DCDC2: variants seen among roughly 807,000 people sequenced by gnomAD.
DCDC2 encodes the protein doublecortin domain containing 2.
Under a neutral mutation model 50.2 loss-of-function variants are expected in DCDC2, and 40 were observed. The ratio of observed to expected loss-of-function variants is 0.80; its 90% CI spans 0.62 to 1.04. The LOEUF (loss-of-function observed/expected upper bound fraction) is 1.04, where lower values mean the gene tolerates loss of function less well. DCDC2 is among the 50% of genes least tolerant of loss of function. The pLI, the probability that DCDC2 is intolerant of heterozygous loss-of-function variation, is 0.00. For synonymous variants in DCDC2, 234 were observed against 210.6 expected (o/e 1.11, Z -0.96); for missense variants, 570 against 581.9 (o/e 0.98, Z 0.21).
chr6:24,271,224 A>AAG (rs1554115075), intron 7 of DCDC2, among the ~76,000 whole-genome samples: 39 of 143,006 alleles, frequency 2.7e-4, no homozygotes, highest in African/African-American at 7.0e-4. Context: ...AAAAAAAAAA[A>AAG]AGAGAGAGAG....
At chr6:24,217,878 C>T (rs1336084244) in intron 7 of DCDC2, among the ~76,000 whole-genome samples, 1 of 152,158 alleles carries the variant, frequency 6.6e-6, no homozygotes, top group Non-Finnish European at 1.5e-5. Flanking sequence ...ATAATGTACT[C>T]AGTTTAGCAT....
intron 7 of DCDC2, among the ~76,000 whole-genome samples, chr6:24,277,603 A>G (rs1377940262): frequency 6.6e-6 from 1 of 152,164 alleles, no homozygotes; most frequent in East Asian, 1.9e-4. Flanking sequence ...TACTGATAAA[A>G]TGTTATGTCT....
chr6:24,344,394 AT>A (rs1415003482), intron 2 of DCDC2, among the ~76,000 whole-genome samples: 1 of 152,174 alleles, frequency 6.6e-6, no homozygotes, highest in Non-Finnish European at 1.5e-5. Flanking sequence ...TTTTCTAAAC[AT>A]TTATTAACTT....
chr6:24,209,753 ACTCTT>A (rs1761814955), intron 7 of DCDC2, among the ~76,000 whole-genome samples: 1 of 152,044 alleles, frequency 6.6e-6, no homozygotes, highest in Non-Finnish European at 1.5e-5. Flanking sequence ...TATAAAAGTA[ACTCTT>A]CTCTAGGTAG....
intron 7 of DCDC2, among the ~76,000 whole-genome samples, chr6:24,255,665 T>A (rs1320102764): frequency 6.6e-6 from 1 of 152,116 alleles, no homozygotes; most frequent in Non-Finnish European, 1.5e-5. Flanking sequence ...CACCTCGGAA[T>A]GGCCAAAAGA....
intron 6 of DCDC2, 65 bp downstream of exon 6, chr6:24,288,787 A>C: frequency 6.8e-7 from 1 of 1,467,436 alleles, no homozygotes; most frequent in Admixed American, 1.7e-5. Context: ...TTGAAGCCCA[A>C]AGGACAGTCT....
Position 24,178,539 on chromosome 6 carries a change from G to C in DCDC2, c.1117C>G (p.Leu373Val). 4 of 1,613,984 alleles carry C rather than the reference G, an allele frequency of 2.5e-6. No homozygotes were observed. Among genetic ancestry groups the C allele is most frequent in the Non-Finnish European group, 3.4e-6 (4 of 1,180,004 alleles). ...GCCTCCCTACCTCCTTCCTCTTCAA[G>C]GTCACCATTCATTCCTGAAAAGTCT... is the stretch of plus-strand genomic sequence containing the variant. ...KEDFSGMNGDLEEEGGREATD... is the reference protein window; with the variant it reads ...KEDFSGMNGDVEEEGGREATD... The change falls in exon 9 of 10, where the codon CTT becomes GTT. Residue 373 changes from leucine to valine, a missense_variant. Coordinates refer to ENST00000378454, the MANE Select transcript of DCDC2 (RefSeq NM_016356.5).
chr6:24,222,844 A>G (rs1762148086), intron 7 of DCDC2, among the ~76,000 whole-genome samples: 1 of 152,196 alleles, frequency 6.6e-6, no homozygotes, highest in South Asian at 2.1e-4. Context: ...CGAAGTTACA[A>G]AGTTCTATTA....
intron 4 of DCDC2, among the ~76,000 whole-genome samples, chr6:24,301,147 G>A (rs1295523757): frequency 8.6e-5 from 13 of 151,860 alleles, no homozygotes; most frequent in African/African-American, 2.7e-4. Context: ...CAAGGCGGGC[G>A]GATCACGAGG....
At chr6:24,213,460 A>G (rs1444613585) in intron 7 of DCDC2, among the ~76,000 whole-genome samples, 2 of 152,166 alleles carry the variant, frequency 1.3e-5, no homozygotes, top group South Asian at 4.1e-4. Flanking sequence ...TATCCTAAGA[A>G]GAAAAAAAAG....
intron 9 of DCDC2, among the ~76,000 whole-genome samples, chr6:24,176,748 A>G (rs1760923096): frequency 6.6e-6 from 1 of 152,176 alleles, no homozygotes. Context: ...ATTTTGTATC[A>G]TTTGACCAAC....
At chr6:24,258,129 C>T (rs981134604) in intron 7 of DCDC2, among the ~76,000 whole-genome samples, 1 of 152,132 alleles carries the variant, frequency 6.6e-6, no homozygotes, top group African/African-American at 2.4e-5. Flanking sequence ...AATGACGCCA[C>T]TGACCTTCAC....
intron 7 of DCDC2, among the ~76,000 whole-genome samples, chr6:24,235,966 A>C (rs112854846): frequency 6.6e-6 from 1 of 152,192 alleles, no homozygotes; most frequent in Admixed American, 6.5e-5. Context: ...ACACAAATGG[A>C]AAAACATTCC....
At chr6:24,302,177 AG>A in intron 2 of DCDC2, 133 bp from the exon 3 acceptor site, 1 of 710,940 alleles carries the variant, frequency 1.4e-6, no homozygotes, top group Non-Finnish European at 2.3e-6. Context: ...TGCTTTTCTC[AG>A]CATTTCTGTA....
chr6:24,374,666 G>A, the DCDC2 span, among the ~76,000 whole-genome samples: 24 of 151,846 alleles, frequency 1.6e-4, 1 homozygote, highest in African/African-American at 5.6e-4. Context: ...ATGTGAGAGA[G>A]TGATGAGATG....
At chr6:24,192,305 A>G (rs912326268) in intron 8 of DCDC2, among the ~76,000 whole-genome samples, 1 of 152,316 alleles carries the variant, frequency 6.6e-6, no homozygotes, top group Middle Eastern at 3.4e-3. Flanking sequence ...ACCCCAAAAG[A>G]GCAATACTTA....
At chr6:24,292,410 C>T (rs993772938) in intron 4 of DCDC2, among the ~76,000 whole-genome samples, 1 of 151,872 alleles carries the variant, frequency 6.6e-6, no homozygotes, top group Non-Finnish European at 1.5e-5. Flanking sequence ...TCATACAGAA[C>T]CATGAAATAC....
chr6:24,290,177 T>C (rs1418279122), intron 5 of DCDC2, among the ~76,000 whole-genome samples: 1 of 150,700 alleles, frequency 6.6e-6, no homozygotes, highest in Non-Finnish European at 1.5e-5. Flanking sequence ...GTATTTTTAG[T>C]AGAGACGGGG....
At chr6:24,327,090 G>A (rs62400443) in intron 2 of DCDC2, among the ~76,000 whole-genome samples, 7,336 of 148,814 alleles carry the variant, frequency 0.049, 657 homozygotes, top group Non-Finnish European at 0.072. Context: ...AGTCAGTCAG[G>A]GTAACTGCAC....
Sources: allele counts gnomAD v4.1 joint callset (sites outside exome capture counted in the v4.1 genomes callset), GRCh38; gene constraint gnomAD v4.1.1; transcripts MANE v1.5; gene names NCBI Gene and HGNC (gene_info 2026-07-23, HGNC 2026-07-21).